CADM1: variants seen among roughly 807,000 people sequenced by gnomAD.
The protein encoded by CADM1 is TSLC-1.
CADM1 carries 15 observed loss-of-function variants against 53.1 expected under a neutral mutation model. The ratio of observed to expected loss-of-function variants is 0.28; its 90% confidence interval spans 0.19 to 0.44. The LOEUF is 0.44. Among genes scored for constraint, CADM1 ranks in the 20% least tolerant of loss-of-function variants. The pLI is 1.00. For missense variants in CADM1, 434 were observed against 611.3 expected (o/e 0.71, Z 3.06); for synonymous variants, 281 against 243.0 (o/e 1.16, Z -1.45).
intron 1 of CADM1, among the ~76,000 whole-genome samples, chr11:115,404,350 T>A (rs59660013): frequency 0.13 from 1,972 of 15,130 alleles, 187 homozygotes; most frequent in Admixed American, 0.2. Context: ...AAAAAAAATA[T>A]ATATATATAT....
chr11:115,491,512 G>A (rs1014099992), intron 1 of CADM1, among the ~76,000 whole-genome samples: 1 of 151,880 alleles, frequency 6.6e-6, no homozygotes, highest in Non-Finnish European at 1.5e-5. Flanking sequence ...CCTGCAGTGA[G>A]CCAAGATTGC....
chr11:115,227,782 G>C (rs1342492389), intron 5 of CADM1, among the ~76,000 whole-genome samples: 2 of 152,188 alleles, frequency 1.3e-5, no homozygotes, highest in Non-Finnish European at 2.9e-5. Flanking sequence ...AGGTTGGAAT[G>C]GGATGGTTTC....
chr11:115,217,712 G>A (rs1469150921), intron 6 of CADM1, among the ~76,000 whole-genome samples, 180 bp downstream of exon 6: 2 of 152,124 alleles, frequency 1.3e-5, no homozygotes, highest in African/African-American at 4.8e-5. Flanking sequence ...TCCCAGTCCT[G>A]ACCATTAAGA....
intron 1 of CADM1, among the ~76,000 whole-genome samples, chr11:115,308,175 G>GTGTGTGTATATA (rs1353212174): frequency 1.0e-4 from 12 of 117,454 alleles, no homozygotes; most frequent in African/African-American, 4.5e-4. Context: ...GTGTGTGTGT[G>GTGTGTGTATATA]TATATCACTC....
intron 3 of CADM1, among the ~76,000 whole-genome samples, chr11:115,236,541 C>T (rs1382565267): frequency 6.6e-6 from 1 of 152,064 alleles, no homozygotes; most frequent in Non-Finnish European, 1.5e-5. Flanking sequence ...ATCAGACCTC[C>T]AAAAGGATTA....
Position 115,388,441 on chromosome 11 carries a change from T to A in CADM1, c.124+115830A>T, listed in dbSNP as rs182465922. 1.3e-3 allele frequency among the ~76,000 whole-genome samples: 199 copies of A among 152,292 alleles called. 1 individual carries two copies. The Middle Eastern group carries it at 0.031, about 23-fold the overall frequency. ...TTTGAAGAGGAACAAGATATTTGCA[T>A]GCTCTTAAAGTGCCTTCCCACGGAT... On this transcript the variant is annotated intron_variant, in intron 1 of 11. Transcript: ENST00000331581.
intron 1 of CADM1, among the ~76,000 whole-genome samples, chr11:115,484,330 T>C (rs1439536767): frequency 2.6e-5 from 4 of 152,178 alleles, no homozygotes; most frequent in Non-Finnish European, 4.4e-5. Context: ...AGATTCTTCC[T>C]GCCATCCGGA....
intron 1 of CADM1, among the ~76,000 whole-genome samples, chr11:115,473,740 G>A (rs1949066364): frequency 6.6e-6 from 1 of 150,988 alleles, no homozygotes; most frequent in Admixed American, 6.6e-5. Context: ...AAACTTTTAG[G>A]AAAAAAAACA....
chr11:115,380,291 T>C (rs1289187668), intron 1 of CADM1, among the ~76,000 whole-genome samples: 1 of 152,216 alleles, frequency 6.6e-6, no homozygotes, highest in Non-Finnish European at 1.5e-5. Flanking sequence ...GCACTTACAC[T>C]AGCTCTGATT....
intron 1 of CADM1, among the ~76,000 whole-genome samples, chr11:115,424,550 T>C (rs1202101561): frequency 6.6e-6 from 1 of 152,162 alleles, no homozygotes. Context: ...TTTTTTGAGA[T>C]GGAGTCTCGC....
chr11:115,464,414 T>C (rs866655456), intron 1 of CADM1, among the ~76,000 whole-genome samples: 1 of 152,198 alleles, frequency 6.6e-6, no homozygotes, highest in South Asian at 2.1e-4. Flanking sequence ...TTGGAGACAT[T>C]AGTCATGTCC....
intron 1 of CADM1, among the ~76,000 whole-genome samples, chr11:115,503,841 CT>C (rs944695127): frequency 2.6e-5 from 4 of 151,560 alleles, no homozygotes; most frequent in African/African-American, 9.7e-5. Context: ...GGGGGGCCCT[CT>C]GGAGAGGTGG....
chr11:115,255,285 C>T (rs921575724), intron 1 of CADM1, among the ~76,000 whole-genome samples: 1 of 152,162 alleles, frequency 6.6e-6, no homozygotes, highest in African/African-American at 2.4e-5. Context: ...TGCAATATGA[C>T]TCAAGAGGGT....
intron 1 of CADM1, among the ~76,000 whole-genome samples, chr11:115,492,415 A>G (rs1258070191): frequency 6.6e-6 from 1 of 152,244 alleles, no homozygotes; most frequent in Non-Finnish European, 1.5e-5. Context: ...TTAATGAGTT[A>G]TATGTTCAAA....
intron 1 of CADM1, among the ~76,000 whole-genome samples, chr11:115,340,658 A>ATATATATATATATATTTTT (rs60532835): frequency 5.7e-5 from 2 of 34,942 alleles, no homozygotes; most frequent in African/African-American, 2.8e-4. Flanking sequence ...ATATATATAT[A>ATATATATATATATATTTTT]TTTTTTTTTT....
intron 8 of CADM1, among the ~76,000 whole-genome samples, chr11:115,203,311 A>C (rs566622352): frequency 1.1e-4 from 17 of 152,326 alleles, no homozygotes; most frequent in African/African-American, 4.1e-4. Flanking sequence ...CAATTCCTAT[A>C]TCATGTTGTG....
chr11:115,258,322 C>T lies in CADM1; in HGVS notation c.125-17902G>A, dbSNP rs150216863. 2.7e-4 allele frequency among the ~76,000 whole-genome samples: 41 copies of T among 152,260 alleles called. 1 individual carries two copies. The East Asian group carries it at 6.2e-3, about 23-fold the overall frequency. ...TGTCATCCCTGTCTTTCTATTACTC[C>T]GATATTGATAGATAAAATTCTGTGG... On this transcript the variant is annotated intron_variant, in intron 1 of 11. Transcript: ENST00000331581.
chr11:115,392,568 A>G (rs1946863545), intron 1 of CADM1, among the ~76,000 whole-genome samples: 1 of 152,212 alleles, frequency 6.6e-6, no homozygotes, highest in Non-Finnish European at 1.5e-5. Flanking sequence ...AATGGTTAAT[A>G]AACTTTTGGA....
intron 1 of CADM1, among the ~76,000 whole-genome samples, chr11:115,415,230 C>T (rs192119659): frequency 3.9e-5 from 6 of 152,234 alleles, no homozygotes; most frequent in South Asian, 2.1e-4. Flanking sequence ...TGAGAGCAAA[C>T]GAAGTAACAC....
Sources: allele counts gnomAD v4.1 joint callset (sites outside exome capture counted in the v4.1 genomes callset), GRCh38; gene constraint gnomAD v4.1.1; transcripts MANE v1.5; gene names NCBI Gene and HGNC (gene_info 2026-07-23, HGNC 2026-07-21).